Variants in ARNT2 observed in about 807,000 individuals in gnomAD.
The protein encoded by ARNT2 is ARNT protein 2.
A neutral mutation model predicts 91.7 loss-of-function variants in ARNT2; 36 were observed. The ratio of observed to expected loss-of-function variants is 0.39; its 90% CI spans 0.30 to 0.52. ARNT2 has a LOEUF of 0.52. Among genes scored for constraint, ARNT2 ranks in the 20% least tolerant of loss-of-function variants. The pLI is 0.72. For missense variants in ARNT2, 775 were observed against 939.3 expected (o/e 0.83, Z 2.29); for synonymous variants, 365 against 347.1 (o/e 1.05, Z -0.57).
intron 3 of ARNT2, among the ~76,000 whole-genome samples, chr15:80,469,757 G>C (rs1896707457): frequency 6.6e-6 from 1 of 152,122 alleles, no homozygotes; most frequent in South Asian, 2.1e-4. Context: ...TGGGATTACA[G>C]GCATGCGCTA....
chr15:80,538,986 G>A (rs1312079039), intron 8 of ARNT2, among the ~76,000 whole-genome samples: 2 of 151,928 alleles, frequency 1.3e-5, no homozygotes, highest in Admixed American at 6.6e-5. Flanking sequence ...CTGGAAGGAA[G>A]GAAGTAACCA....
intron 8 of ARNT2, among the ~76,000 whole-genome samples, chr15:80,539,360 G>A (rs184577924): frequency 3.3e-3 from 497 of 151,820 alleles, no homozygotes; most frequent in African/African-American, 0.011. Context: ...AATAATTCAA[G>A]GAAAAAAACT....
chr15:80,442,330 C>G (rs1896205399), intron 1 of ARNT2, among the ~76,000 whole-genome samples: 1 of 152,228 alleles, frequency 6.6e-6, no homozygotes, highest in Non-Finnish European at 1.5e-5. Flanking sequence ...GAAGCCTTCT[C>G]AGATCTTCCC....
At chr15:80,432,095 T>G (rs1896019478) in intron 1 of ARNT2, among the ~76,000 whole-genome samples, 1 of 152,212 alleles carries the variant, frequency 6.6e-6, no homozygotes, top group African/African-American at 2.4e-5. Flanking sequence ...GCTGCAAAGA[T>G]TAAGGGCCTA....
intron 2 of ARNT2, among the ~76,000 whole-genome samples, chr15:80,455,736 G>A (rs1344415282): frequency 1.3e-5 from 2 of 152,096 alleles, no homozygotes; most frequent in Non-Finnish European, 2.9e-5. Flanking sequence ...TGAGGACAGA[G>A]GGCTGGCTTA....
chr15:80,431,060 C>T (rs1437627734), intron 1 of ARNT2, among the ~76,000 whole-genome samples: 2 of 152,056 alleles, frequency 1.3e-5, no homozygotes, highest in Non-Finnish European at 2.9e-5. Flanking sequence ...TGTCACGATC[C>T]CCCCACAAAG....
chr15:80,499,758 T>G (rs1271098213), intron 5 of ARNT2, among the ~76,000 whole-genome samples: 1 of 152,190 alleles, frequency 6.6e-6, no homozygotes, highest in African/African-American at 2.4e-5. Flanking sequence ...GTGTGTCAGG[T>G]GCTCAGTCCT....
intron 5 of ARNT2, among the ~76,000 whole-genome samples, chr15:80,493,876 T>C (rs1462089347): frequency 3.3e-5 from 5 of 152,150 alleles, no homozygotes. Flanking sequence ...CCTGTGGAAA[T>C]GAGTAAGTTC....
chr15:80,404,686 G>C lies in ARNT2; in HGVS notation c.31+140G>C, dbSNP rs920430629. 2.3e-6 allele frequency: 1 copy of C among 434,934 alleles called. No individual in the cohort carries two copies. Among genetic ancestry groups the C allele is most frequent in the African/African-American group, 2.1e-5 (1 of 46,576 alleles). 26.9% of individuals were successfully genotyped at this position (434,934 alleles called of 1,614,324 possible). A position where few individuals can be genotyped will look rare whatever the true frequency, so the allele number is the denominator to read the frequency against. ...TGGGTGGTGGAGCGGCTGTCACTAC[G>C]CGGCAGCCGCAGCATCAGCACCAGA... On this transcript the variant is annotated intron_variant, in intron 1 of 18. Transcript: ENST00000303329. This position sits in a 1 kb window ranked among gnomAD's most constrained non-coding sequence, Gnocchi z 5.5.
chr15:80,423,978 G>T (rs756416923), intron 1 of ARNT2, among the ~76,000 whole-genome samples: 2 of 152,172 alleles, frequency 1.3e-5, no homozygotes, highest in South Asian at 2.1e-4. Context: ...TCTCTTCCTC[G>T]TGGTCCCTTA....
At chr15:80,477,465 G>C (rs559324862) in intron 5 of ARNT2, among the ~76,000 whole-genome samples, 1 of 152,174 alleles carries the variant, frequency 6.6e-6, no homozygotes, top group Non-Finnish European at 1.5e-5. Context: ...GAATTTCAGC[G>C]TACGAATTTG....
At chr15:80,593,326 AC>A (rs1893315047) in intron 18 of ARNT2, among the ~76,000 whole-genome samples, 1 of 152,112 alleles carries the variant, frequency 6.6e-6, no homozygotes, top group Non-Finnish European at 1.5e-5. Context: ...GTTCTCGTCT[AC>A]CCTGGGTCCC....
At chr15:80,499,216 T>C (rs2141417128) in intron 5 of ARNT2, among the ~76,000 whole-genome samples, 1 of 152,348 alleles carries the variant, frequency 6.6e-6, no homozygotes, top group Admixed American at 6.5e-5. Flanking sequence ...AATGATCAAA[T>C]ATTTCTCCCC....
intron 17 of ARNT2, among the ~76,000 whole-genome samples, chr15:80,584,732 G>A (rs1898862627): frequency 6.6e-6 from 1 of 152,246 alleles, no homozygotes; most frequent in African/African-American, 2.4e-5. Context: ...GGGCCTATTG[G>A]TGTGGCACTG....
intron 6 of ARNT2, among the ~76,000 whole-genome samples, chr15:80,508,501 A>G (rs1298193799): frequency 2.6e-5 from 4 of 152,072 alleles, no homozygotes; most frequent in African/African-American, 4.8e-5. Context: ...TCCTAGATTT[A>G]CACCCTCTTG....
intron 17 of ARNT2, among the ~76,000 whole-genome samples, chr15:80,582,328 CAA>C (rs537139420): frequency 3.0e-4 from 20 of 66,734 alleles, no homozygotes; most frequent in African/African-American, 2.3e-4. Context: ...CCTGTCTCTA[CAA>C]AAAAAAAAAA....
chr15:80,561,005 C>G (rs752035777), intron 11 of ARNT2, among the ~76,000 whole-genome samples: 1 of 152,136 alleles, frequency 6.6e-6, no homozygotes, highest in Non-Finnish European at 1.5e-5. Context: ...CCAGCCCCAG[C>G]CGTGGGGCCA....
intron 17 of ARNT2, among the ~76,000 whole-genome samples, chr15:80,587,296 T>A (rs1893190262): frequency 6.6e-6 from 1 of 151,358 alleles, no homozygotes; most frequent in Admixed American, 6.6e-5. Flanking sequence ...GGGCTATCTC[T>A]TCCTTATAGG....
intron 1 of ARNT2, among the ~76,000 whole-genome samples, chr15:80,442,093 C>T (rs1027637295): frequency 6.6e-6 from 1 of 152,180 alleles, no homozygotes; most frequent in Non-Finnish European, 1.5e-5. Context: ...GAATAACTCT[C>T]GATCTGTAGG....
Sources: allele counts gnomAD v4.1 joint callset (sites outside exome capture counted in the v4.1 genomes callset), GRCh38; gene constraint gnomAD v4.1.1; non-coding constraint Gnocchi (gnomAD v3.1); transcripts MANE v1.5; gene names NCBI Gene and HGNC (gene_info 2026-07-23, HGNC 2026-07-21).